SPATS2: variants seen among roughly 807,000 people sequenced by gnomAD.
The protein encoded by SPATS2 is spermatogenesis associated serine rich 2, also known as spermatogenesis-associated serine-rich protein 2.
A neutral mutation model predicts 63.7 loss-of-function variants in SPATS2; 38 were observed. The observed-to-expected ratio is 0.60, with a 90% CI of 0.46 to 0.78. The LOEUF (loss-of-function observed/expected upper bound fraction) is 0.78. SPATS2 is among the 30% of genes least tolerant of loss of function. The pLI is 0.00. For missense variants in SPATS2, 588 were observed against 666.2 expected (o/e 0.88, Z 1.29); for synonymous variants, 207 against 232.9 (o/e 0.89, Z 1.01).
intron 2 of SPATS2, among the ~76,000 whole-genome samples, chr12:49,400,491 T>C (rs1054399085): frequency 6.6e-6 from 1 of 152,150 alleles, no homozygotes; most frequent in Non-Finnish European, 1.5e-5. Context: ...GAGGGAAATA[T>C]TGCTGATGCA....
At chr12:49,491,946 T>G (rs1414636570) in intron 6 of SPATS2, among the ~76,000 whole-genome samples, 1 of 152,176 alleles carries the variant, frequency 6.6e-6, no homozygotes, top group East Asian at 1.9e-4. Context: ...GTTCTTTTCT[T>G]TATTAAGTCA....
At chr12:49,476,007 G>C (rs1946111226) in intron 3 of SPATS2, among the ~76,000 whole-genome samples, 1 of 152,136 alleles carries the variant, frequency 6.6e-6, no homozygotes, top group Non-Finnish European at 1.5e-5. Context: ...GAAGGGCATG[G>C]TCCCTGGCTA....
Position 49,524,798 on chromosome 12 carries a change from C to T in SPATS2, c.1228C>T (p.Pro410Ser). 6.2e-7 allele frequency: 1 copy of T among 1,614,200 alleles called. No homozygotes were observed. The highest frequency in any genetic ancestry group is 8.5e-7 in the Non-Finnish European group (1 of 1,180,044). ...TTCCTCTTCCACCTGTGCCTCTCCT[C>T]CCAGCCTTACAAGTGCTAACAAGAA... is the stretch of plus-strand genomic sequence containing the variant. ...AASSSTCASP[P>S]SLTSANKKNF... is the part of the protein sequence containing the mutation. Residue 410 changes from proline (P) to serine (S), a missense_variant, in exon 13 of 14, where the codon CCC becomes TCC. Coordinates refer to ENST00000552918, the MANE Select transcript of SPATS2 (RefSeq NM_023071.4).
chr12:49,433,990 T>C (rs1360190909), intron 2 of SPATS2, among the ~76,000 whole-genome samples: 1 of 152,242 alleles, frequency 6.6e-6, no homozygotes, highest in African/African-American at 2.4e-5. Flanking sequence ...TTCATTCTTT[T>C]GCATGTAGAT....
chr12:49,367,797 T>C (rs1225060359), intron 1 of SPATS2, among the ~76,000 whole-genome samples: 3 of 148,134 alleles, frequency 2.0e-5, no homozygotes, highest in Admixed American at 2.0e-4. Flanking sequence ...CGCGTCGGAG[T>C]TGGGGAGTTT....
intron 9 of SPATS2, among the ~76,000 whole-genome samples, chr12:49,509,197 T>C (rs148757047): frequency 1.8e-3 from 278 of 152,016 alleles, no homozygotes; most frequent in African/African-American, 6.2e-3. Context: ...CTTTTGACTA[T>C]TGGAAAAGGA....
chr12:49,494,914 A>G lies in SPATS2; in HGVS notation c.438A>G (p.Ser146=). The stretch of plus-strand genomic sequence containing the variant: ...TCAATGACACTGAGTCTGTGGACTC[A>G]CTCAGTGAAGGTTTGGAGACACTTT... ...GAINDTESVD[S]LSEGLETLSI... The change falls in exon 7 of 14, where the codon TCA becomes TCG. Residue 146 remains serine (S), a synonymous_variant. Transcript: ENST00000552918. 1.2e-6 allele frequency: 2 copies of G among 1,614,036 alleles called. No homozygotes were observed. The highest frequency in any genetic ancestry group is 1.7e-6 in the Non-Finnish European group (2 of 1,180,006).
chr12:49,367,271 C>G (rs1378956846), upstream of SPATS2: 1 of 325,042 alleles, frequency 3.1e-6, no homozygotes, highest in Non-Finnish European at 5.6e-6. Flanking sequence ...GCCCTGAGCT[C>G]TGGCTGGCTG....
At chr12:49,504,623 A>G (rs182086660) in intron 9 of SPATS2, among the ~76,000 whole-genome samples, 33 of 152,266 alleles carry the variant, frequency 2.2e-4, no homozygotes, top group African/African-American at 7.9e-4. Context: ...GAAATGGGTA[A>G]GAGAAAAAGA....
intron 10 of SPATS2, among the ~76,000 whole-genome samples, chr12:49,518,089 G>A (rs191288455): frequency 6.6e-6 from 1 of 152,282 alleles, no homozygotes; most frequent in Admixed American, 6.5e-5. Context: ...TCCAAGGATG[G>A]GGTCTCATAA....
intron 2 of SPATS2, among the ~76,000 whole-genome samples, chr12:49,413,634 C>T (rs1206045068): frequency 2.6e-5 from 4 of 152,222 alleles, no homozygotes; most frequent in East Asian, 1.9e-4. Flanking sequence ...CAGAATCTCG[C>T]CTAATACATT....
intron 2 of SPATS2, among the ~76,000 whole-genome samples, chr12:49,407,489 G>A (rs959911083): frequency 1.5e-4 from 23 of 152,240 alleles, no homozygotes; most frequent in African/African-American, 4.6e-4. Flanking sequence ...CGGCATCCTT[G>A]CTGTTTTTCT....
intron 2 of SPATS2, among the ~76,000 whole-genome samples, chr12:49,444,593 T>A (rs1014718952): frequency 6.6e-6 from 1 of 152,100 alleles, no homozygotes; most frequent in Non-Finnish European, 1.5e-5. Context: ...AGTATATAGA[T>A]ATACCATTAC....
chr12:49,423,414 G>A (rs1190511928), intron 2 of SPATS2, among the ~76,000 whole-genome samples: 1 of 152,164 alleles, frequency 6.6e-6, no homozygotes, highest in Non-Finnish European at 1.5e-5. Flanking sequence ...TTACGGGCGT[G>A]AGCCACCGCG....
chr12:49,492,588 C>T (rs1592453455), intron 6 of SPATS2, among the ~76,000 whole-genome samples: 1 of 152,104 alleles, frequency 6.6e-6, no homozygotes, highest in African/African-American at 2.4e-5. Flanking sequence ...GTGCATGGAC[C>T]TGGAAGAGGA....
intron 2 of SPATS2, among the ~76,000 whole-genome samples, chr12:49,402,420 A>T (rs1389044498): frequency 6.6e-6 from 1 of 152,172 alleles, no homozygotes; most frequent in East Asian, 1.9e-4. Context: ...TGCTAGATGG[A>T]GCAATCTGAA....
At chr12:49,461,442 G>C (rs1945821162) in intron 3 of SPATS2, among the ~76,000 whole-genome samples, 1 of 152,094 alleles carries the variant, frequency 6.6e-6, no homozygotes, top group Admixed American at 6.6e-5. Flanking sequence ...TGTTCTTCTA[G>C]CTTCTTATCT....
chr12:49,430,009 G>C (rs926704736), intron 2 of SPATS2, among the ~76,000 whole-genome samples: 2 of 150,942 alleles, frequency 1.3e-5, no homozygotes, highest in Admixed American at 1.3e-4. Flanking sequence ...TTGAACTCCT[G>C]ACCTCAAGTG....
chr12:49,471,374 CATCA>C (rs1946031256), intron 3 of SPATS2, among the ~76,000 whole-genome samples: 1 of 152,148 alleles, frequency 6.6e-6, no homozygotes, highest in African/African-American at 2.4e-5. Context: ...AGCCTTGCTC[CATCA>C]ACCAGGCTGA....
Sources: allele counts gnomAD v4.1 joint callset (sites outside exome capture counted in the v4.1 genomes callset), GRCh38; gene constraint gnomAD v4.1.1; transcripts MANE v1.5; gene names NCBI Gene and HGNC (gene_info 2026-07-23, HGNC 2026-07-21).